The following SLC12A5 variants were observed in gnomAD, a reference collection of about 807,000 sequenced individuals.
The protein encoded by SLC12A5 is solute carrier family 12 member 5.
In SLC12A5, 18 loss-of-function variants were observed where a neutral mutation model predicts 124.0. That is an observed-to-expected ratio of 0.15 (90% CI 0.10 to 0.22). SLC12A5 has a LOEUF of 0.22. Ranked by LOEUF, SLC12A5 falls within the 10% of genes least tolerant of loss-of-function variation. The pLI is 1.00. For missense variants in SLC12A5, 867 were observed against 1,478.7 expected, an observed-to-expected ratio of 0.59 and a Z score of 6.78; for synonymous variants, 589 against 568.0, an observed-to-expected ratio of 1.04 and a Z score of -0.53.
upstream of SLC12A5, chr20:46,029,158 G>A (rs2084422504): frequency 8.5e-6 from 12 of 1,403,894 alleles, no homozygotes; most frequent in Middle Eastern, 2.5e-4. Flanking sequence ...GAGAGGGGGC[G>A]CGCGCGGGTG....
chr20:46,051,355 G>T (rs1377931496), intron 17 of SLC12A5, among the ~76,000 whole-genome samples: 1 of 152,188 alleles, frequency 6.6e-6, no homozygotes, highest in Non-Finnish European at 1.5e-5. Context: ...GCCAGACAGG[G>T]TGTCATGTAC....
upstream of SLC12A5, among the ~76,000 whole-genome samples, chr20:46,024,296 G>A (rs4812984): frequency 0.029 from 4,422 of 152,138 alleles, 175 homozygotes; most frequent in Admixed American, 0.12. Context: ...ACATTTCTGT[G>A]TCTATCTGAG....
chr20:46,058,771 G>C lies in SLC12A5; in HGVS notation c.*1166G>C, dbSNP rs1374737671. The C allele has an allele frequency of 2.5e-6, 1 of 398,512 alleles. No homozygotes were observed. Among genetic ancestry groups the C allele is most frequent in the African/African-American group, 2.1e-5 (1 of 48,648 alleles). 24.7% of individuals were successfully genotyped at this position (398,512 alleles called of 1,614,324 possible). On this transcript the variant is annotated 3_prime_UTR_variant, in exon 26 of 26. Coordinates refer to ENST00000243964, the MANE Select transcript of SLC12A5 (RefSeq NM_020708.5). This position sits in a 1 kb window ranked among gnomAD's most constrained non-coding sequence, Gnocchi z 5.8. Reference sequence around the variant, plus strand: ...GGGGGCCGATTCTGGTTTAGGGGCCGGACCCACTGAGAGGCCCCAGAGCCG... The same window carrying C: ...GGGGGCCGATTCTGGTTTAGGGGCCCGACCCACTGAGAGGCCCCAGAGCCG...
chr20:46,032,842 C>G (rs1311810104), intron 1 of SLC12A5, among the ~76,000 whole-genome samples: 1 of 152,224 alleles, frequency 6.6e-6, no homozygotes, highest in Non-Finnish European at 1.5e-5. Flanking sequence ...CTTGTTTCTC[C>G]TGTTCTCTGG....
chr20:46,049,924 A>T (rs1458895433), intron 17 of SLC12A5, 134 bp downstream of exon 17: 12 of 1,173,266 alleles, frequency 1.0e-5, no homozygotes, highest in Non-Finnish European at 1.0e-5. Context: ...TTTTCCTTAG[A>T]GGAAGAGCCT....
At chr20:46,054,774 A>G in intron 20 of SLC12A5, 142 bp from the exon 21 acceptor site, 2 of 617,128 alleles carry the variant, frequency 3.2e-6, no homozygotes, top group Non-Finnish European at 5.8e-6. Context: ...GACAAAATTA[A>G]TGATTGGGTA....
chr20:46,036,950 G>C (rs572676957), intron 5 of SLC12A5, among the ~76,000 whole-genome samples, 155 bp downstream of exon 5: 1 of 151,988 alleles, frequency 6.6e-6, no homozygotes, highest in Non-Finnish European at 1.5e-5. Flanking sequence ...GGCAGAGGAG[G>C]AGGCAGCTCT....
chr20:46,044,724 A>G, intron 11 of SLC12A5: 1 of 526,918 alleles, frequency 1.9e-6, no homozygotes, highest in Non-Finnish European at 3.4e-6. Flanking sequence ...GCAGTGGGGG[A>G]CGTGGGGCTG....
chr20:46,029,002 A>C, upstream of SLC12A5: 7 of 504,686 alleles, frequency 1.4e-5, no homozygotes, highest in East Asian at 6.6e-5. Flanking sequence ...CACCCACGCA[A>C]TCCCCCAGTT....
In SLC12A5 at chr20:46,051,833, C is replaced by A; in HGVS notation, c.2340C>A (p.Arg780=). ...TVLVGWPRNW[R]QKEDHQTWRN... is the part of the protein sequence containing the mutation. ...TTGTTGGCTGGCCCCGCAACTGGCG[C>A]CAGAAGGAAGATCATCAGACGTGGA... Residue 780 remains arginine (R), a synonymous_variant, in exon 18 of 26, where the codon CGC becomes CGA. Transcript: ENST00000243964. 1 of 1,586,010 alleles carries A rather than the reference C, an allele frequency of 6.3e-7. No homozygotes were observed. Among genetic ancestry groups the A allele is most frequent in the Admixed American group, 1.8e-5 (1 of 55,662 alleles).
chr20:46,030,303 G>C (rs542840164), intron 1 of SLC12A5, among the ~76,000 whole-genome samples: 50 of 152,278 alleles, frequency 3.3e-4, no homozygotes, highest in African/African-American at 1.2e-3. Context: ...ATTCCTCAGC[G>C]CCGCGACGCG....
In SLC12A5 at chr20:46,035,543, C is replaced by T; in HGVS notation, c.279+8C>T. 1 of 1,610,020 alleles carries T rather than the reference C, an allele frequency of 6.2e-7. No individual in the cohort carries two copies. Among genetic ancestry groups the T allele is most frequent in the Non-Finnish European group, 8.5e-7 (1 of 1,178,516 alleles). The stretch of plus-strand genomic sequence containing the variant: ...AAAAAGAAGCCGGTGCAGGTGAGGA[C>T]CTCGGGGGATGAGAAATGGAAGAAA... On this transcript the variant is annotated splice_region_variant and intron_variant, in intron 3 of 25. Transcript: ENST00000243964.
rs1375691617 is a variant in SLC12A5, at chr20:46,034,998, G to C, written c.103G>C (p.Glu35Gln). The C allele has an allele frequency of 6.2e-7, 1 of 1,614,046 alleles. No homozygotes were observed. The highest frequency in any genetic ancestry group is 8.5e-7 in the Non-Finnish European group (1 of 1,179,976). ...TCCCTTCATCAACAGCACCGACACA[G>C]AGAAGGGAAAGGAGTATGATGGCAA... ...SSPFINSTDT[E>Q]KGKEYDGKNM... Residue 35 changes from glutamate to glutamine, a missense_variant, in exon 2 of 26, where the codon GAG becomes CAG. Glu to Gln is a conservative substitution (Grantham distance 29). Around this residue, in one of 9 missense-constraint regions of SLC12A5, gnomAD observed 58 missense variants for 52.2 expected, o/e 1.11. Transcript: ENST00000243964.
Position 46,053,140 on chromosome 20 carries a change from G to C in SLC12A5, c.2547+14G>C, listed in dbSNP as rs368044730. 3 of 1,603,986 alleles carry C rather than the reference G, an allele frequency of 1.9e-6. No individual in the cohort carries two copies. The highest frequency in any genetic ancestry group is 2.2e-5 in the East Asian group (1 of 44,566). On this transcript the variant is annotated intron_variant, in intron 19 of 25. Coordinates refer to ENST00000243964, the MANE Select transcript of SLC12A5 (RefSeq NM_020708.5). This position sits in a 1 kb window ranked among gnomAD's most constrained non-coding sequence, Gnocchi z 4.7. ...CGGCACCACAAGGTGAGTTGTGTGC[G>C]TGAGTGTATGCACGTGTGAGTGTGT...
chr20:46,047,365 C>T lies in SLC12A5; in HGVS notation c.1788-89C>T, dbSNP rs959719439. On this transcript the variant is annotated intron_variant, in intron 14 of 25. Coordinates refer to ENST00000243964, the MANE Select transcript of SLC12A5 (RefSeq NM_020708.5). ...GTCACCTCCCAGGTCTTGCCCATGCCCTGCCCCATCTCCCTCTTGCTTTCT... is the reference window on the plus strand; with the variant it reads ...GTCACCTCCCAGGTCTTGCCCATGCTCTGCCCCATCTCCCTCTTGCTTTCT... 4 of 1,556,866 alleles carry T rather than the reference C, an allele frequency of 2.6e-6. No individual in the cohort carries two copies. In the African/African-American group the frequency reaches 5.4e-5, roughly 21 times the overall value.
At chr20:46,035,212 C>T (rs1320076816) in intron 2 of SLC12A5, 170 bp downstream of exon 2, 5 of 986,462 alleles carry the variant, frequency 5.1e-6, no homozygotes, top group Middle Eastern at 2.9e-4. Context: ...GATTTACTCC[C>T]TCTGCTCCCT....
chr20:46,029,466 G>A (rs2084426097), intron 1 of SLC12A5, 70 bp downstream of exon 1: 2 of 1,487,034 alleles, frequency 1.3e-6, no homozygotes, highest in South Asian at 2.5e-5. Context: ...GGTTAGAGGC[G>A]GAGCGGGGGC....
rs2084720385 is a variant in SLC12A5, at chr20:46,058,658, T to A, written c.*1053T>A. 2.5e-6 allele frequency: 1 copy of A among 398,838 alleles called. No individual in the cohort carries two copies. Among genetic ancestry groups the A allele is most frequent in the Admixed American group, 4.4e-5 (1 of 22,726 alleles). 24.7% of individuals were successfully genotyped at this position (398,838 alleles called of 1,614,324 possible). ...GTCGGCTTGTCGCCTGCTCCCCGTA[T>A]CCCATGGCTCCTCGCCAAAGACTGA... On this transcript the variant is annotated 3_prime_UTR_variant, in exon 26 of 26. Transcript: ENST00000243964. This position sits in a 1 kb window ranked among gnomAD's most constrained non-coding sequence, Gnocchi z 5.8.
At position 46,029,228 on chromosome 20, in the gene SLC12A5, C is replaced by T. The variant is rs760307777; in HGVS notation, c.-117C>T. ...GGGCGGGCGGGCACTGCAGCTTCTT[C>T]CTCCGTGGAGCGGAGAGCGAGACAG... On this transcript the variant is annotated 5_prime_UTR_variant, in exon 1 of 26. Coordinates refer to ENST00000243964, the MANE Select transcript of SLC12A5 (RefSeq NM_020708.5). 89 of 1,448,342 alleles carry T rather than the reference C, an allele frequency of 6.1e-5. No individual in the cohort carries two copies. The South Asian group carries it at 7.9e-4, about 13-fold the overall frequency. 89.7% of individuals were successfully genotyped at this position (1,448,342 alleles called of 1,614,324 possible). A position where few individuals can be genotyped will look rare whatever the true frequency, so the allele number is the denominator to read the frequency against.
Sources: allele counts gnomAD v4.1 joint callset (sites outside exome capture counted in the v4.1 genomes callset), GRCh38; gene constraint gnomAD v4.1.1; regional missense constraint gnomAD v4.1.1; non-coding constraint Gnocchi (gnomAD v3.1); transcripts MANE v1.5; gene names NCBI Gene and HGNC (gene_info 2026-07-23, HGNC 2026-07-21).